Variants in CHMP4B observed in about 807,000 individuals in gnomAD.
CHMP4B encodes the protein charged multivesicular body protein 4B.
In CHMP4B, 1 loss-of-function variant was observed where a neutral mutation model predicts 25.1. The ratio of observed to expected loss-of-function variants is 0.04; its 90% confidence interval spans 0.01 to 0.19. The LOEUF (loss-of-function observed/expected upper bound fraction) is 0.19. Among genes scored for constraint, CHMP4B ranks in the 10% least tolerant of loss-of-function variants. The pLI is 1.00. For missense variants in CHMP4B, 151 were observed against 289.7 expected (o/e 0.52, Z 3.48); for synonymous variants, 101 against 115.6 (o/e 0.87, Z 0.81).
intron 3 of CHMP4B, among the ~76,000 whole-genome samples, chr20:33,851,761 A>G (rs1162422120): frequency 6.6e-6 from 1 of 152,174 alleles, no homozygotes; most frequent in African/African-American, 2.4e-5. Flanking sequence ...ATCAGCAAAC[A>G]TTTCTGAGCA....
intron 1 of CHMP4B, among the ~76,000 whole-genome samples, chr20:33,825,226 G>T (rs900672147): frequency 6.6e-6 from 1 of 152,144 alleles, no homozygotes; most frequent in African/African-American, 2.4e-5. Context: ...TTTAATACCC[G>T]TTAATTGAGA....
chr20:33,850,540 G>A (rs1452690823), intron 2 of CHMP4B, among the ~76,000 whole-genome samples: 1 of 152,216 alleles, frequency 6.6e-6, no homozygotes, highest in African/African-American at 2.4e-5. Context: ...GGTGGACTGA[G>A]TAGATGGAAG....
intron 1 of CHMP4B, among the ~76,000 whole-genome samples, chr20:33,812,197 G>T (rs1217988596): frequency 2.0e-5 from 3 of 152,186 alleles, no homozygotes; most frequent in Non-Finnish European, 4.4e-5. Context: ...TGAGACCCCC[G>T]ATTCCTGCTC....
At chr20:33,847,217 G>A (rs1979711136) in intron 1 of CHMP4B, among the ~76,000 whole-genome samples, 1 of 152,008 alleles carries the variant, frequency 6.6e-6, no homozygotes. Flanking sequence ...GGTAATAAAA[G>A]TTGTCTGGAG....
intron 1 of CHMP4B, among the ~76,000 whole-genome samples, chr20:33,830,763 C>G (rs969546918): frequency 6.6e-6 from 1 of 152,038 alleles, no homozygotes; most frequent in Non-Finnish European, 1.5e-5. Flanking sequence ...GGATACAGGT[C>G]AGTCCATAGC....
At chr20:33,832,148 C>T (rs550611447) in intron 1 of CHMP4B, among the ~76,000 whole-genome samples, 1 of 152,160 alleles carries the variant, frequency 6.6e-6, no homozygotes, top group South Asian at 2.1e-4. Context: ...ACGTCCCCAG[C>T]CCCCATACCT....
At chr20:33,838,212 T>G (rs1244166026) in intron 1 of CHMP4B, among the ~76,000 whole-genome samples, 2 of 152,252 alleles carry the variant, frequency 1.3e-5, no homozygotes, top group Non-Finnish European at 2.9e-5. Flanking sequence ...TTGCCTATCT[T>G]TAACTTGAAC....
intron 1 of CHMP4B, among the ~76,000 whole-genome samples, chr20:33,830,515 C>G (rs374598795): frequency 6.6e-6 from 1 of 152,156 alleles, no homozygotes; most frequent in Non-Finnish European, 1.5e-5. Flanking sequence ...AGCCCTCTTC[C>G]CAGCTGGAAG....
intron 1 of CHMP4B, among the ~76,000 whole-genome samples, chr20:33,840,255 AAAGG>A (rs1286097832): frequency 6.6e-6 from 1 of 151,796 alleles, no homozygotes; most frequent in African/African-American, 2.4e-5. Flanking sequence ...CAAAAAAAAA[AAAGG>A]GGGGGGACAG....
At chr20:33,835,848 C>T (rs559934882) in intron 1 of CHMP4B, among the ~76,000 whole-genome samples, 20 of 152,100 alleles carry the variant, frequency 1.3e-4, no homozygotes, top group East Asian at 7.7e-4. Flanking sequence ...ATGTGTGTGG[C>T]GAGAGAGAGA....
chr20:33,816,611 G>GA (rs1242860732), intron 1 of CHMP4B, among the ~76,000 whole-genome samples: 1 of 151,936 alleles, frequency 6.6e-6, no homozygotes, highest in African/African-American at 2.4e-5. Flanking sequence ...AAAAAGAAAA[G>GA]AAAAAAATGG....
chr20:33,815,235 G>C (rs1325891097), intron 1 of CHMP4B, among the ~76,000 whole-genome samples: 2 of 152,146 alleles, frequency 1.3e-5, no homozygotes, highest in African/African-American at 4.8e-5. Flanking sequence ...CAAGCTCCTA[G>C]GACAATGCCT....
In CHMP4B at chr20:33,831,054, C is replaced by G. The variant is rs1979234267; in HGVS notation, c.191-17413C>G. On this transcript the variant is annotated intron_variant, in intron 1 of 4. Transcript: ENST00000217402. Reference sequence around the variant, plus strand: ...CTCCACAGCTCAAGGGATCCTCCCACCTCAGCCTCCCAGGTAGCTGAGACT... The same window carrying G: ...CTCCACAGCTCAAGGGATCCTCCCAGCTCAGCCTCCCAGGTAGCTGAGACT... 2.7e-5 allele frequency among the ~76,000 whole-genome samples: 4 copies of G among 150,868 alleles called. No individual in the cohort carries two copies. In the South Asian group the frequency reaches 8.4e-4, roughly 32 times the overall value.
chr20:33,848,714 C>T (rs1813829317), intron 2 of CHMP4B, 70 bp downstream of exon 2: 4 of 1,540,458 alleles, frequency 2.6e-6, no homozygotes, highest in Non-Finnish European at 3.6e-6. Context: ...CAGGCCATGG[C>T]CTTGGGCAGA....
At chr20:33,816,316 C>T (rs533716640) in intron 1 of CHMP4B, among the ~76,000 whole-genome samples, 231 of 152,304 alleles carry the variant, frequency 1.5e-3, no homozygotes, top group African/African-American at 5.3e-3. Context: ...ATATTCATCT[C>T]ACATGCCTAT....
At chr20:33,848,171 C>A (rs892349685) in intron 1 of CHMP4B, among the ~76,000 whole-genome samples, 1 of 152,088 alleles carries the variant, frequency 6.6e-6, no homozygotes, top group African/African-American at 2.4e-5. Context: ...GGGAGTTTGA[C>A]CCCAGAGCAT....
At chr20:33,822,445 T>C (rs1049470198) in intron 1 of CHMP4B, among the ~76,000 whole-genome samples, 4 of 152,060 alleles carry the variant, frequency 2.6e-5, no homozygotes, top group African/African-American at 9.7e-5. Flanking sequence ...GTGCCCAGCC[T>C]ACTGTCTTAA....
At chr20:33,848,224 G>A (rs1278622960) in intron 1 of CHMP4B, among the ~76,000 whole-genome samples, 2 of 152,176 alleles carry the variant, frequency 1.3e-5, no homozygotes, top group African/African-American at 4.8e-5. Context: ...TTGTGTGTGT[G>A]CGTGGTTACC....
At chr20:33,817,792 A>G (rs1978822687) in intron 1 of CHMP4B, among the ~76,000 whole-genome samples, 1 of 152,190 alleles carries the variant, frequency 6.6e-6, no homozygotes, top group South Asian at 2.1e-4. Context: ...CATTTTGCAG[A>G]TGGATGATTA....
Sources: gnomAD v4.1 joint callset for allele counts (sites outside exome capture counted in the v4.1 genomes callset) on GRCh38, gnomAD v4.1.1 for gene constraint, MANE v1.5 for transcripts, NCBI Gene and HGNC (gene_info 2026-07-23, HGNC 2026-07-21) for gene names.